GAS7: variants seen among roughly 807,000 people sequenced by gnomAD.
GAS7 encodes growth arrest-specific protein 7.
GAS7 carries 28 observed loss-of-function variants against 71.1 expected under a neutral mutation model. The ratio of observed to expected loss-of-function variants is 0.39; its 90% CI spans 0.29 to 0.54. The LOEUF is 0.54. GAS7 is among the 20% of genes least tolerant of loss of function. The probability of loss-of-function intolerance (pLI) is 0.62; values close to 1 mark genes in which losing one functional copy is unlikely to be tolerated. For synonymous variants in GAS7, 258 were observed against 245.8 expected (o/e 1.05, Z -0.46); for missense variants, 436 against 627.8 (o/e 0.69, Z 3.27).
intron 1 of GAS7, among the ~76,000 whole-genome samples, chr17:10,062,255 C>T (rs1215045861): frequency 6.6e-6 from 1 of 152,192 alleles, no homozygotes; most frequent in Non-Finnish European, 1.5e-5. Context: ...GAGGCCAAGG[C>T]GGGTGGATTA....
chr17:9,989,886 C>T (rs939717603), intron 2 of GAS7, among the ~76,000 whole-genome samples: 4 of 152,214 alleles, frequency 2.6e-5, no homozygotes, highest in African/African-American at 9.6e-5. Context: ...GCAATTGTGC[C>T]TCAGGTTCCC....
intron 1 of GAS7, among the ~76,000 whole-genome samples, chr17:10,108,949 CA>C (rs1169509777): frequency 6.6e-6 from 1 of 151,978 alleles, no homozygotes; most frequent in Non-Finnish European, 1.5e-5. Flanking sequence ...GCACAGACAA[CA>C]AAACCAAAAA....
intron 1 of GAS7, among the ~76,000 whole-genome samples, chr17:10,131,031 T>C (rs1160462944): frequency 6.6e-6 from 1 of 152,224 alleles, no homozygotes; most frequent in Non-Finnish European, 1.5e-5. Context: ...AAAGCCGTTA[T>C]CAAAACATAA....
At chr17:10,009,182 G>T (rs1021528663) in intron 2 of GAS7, among the ~76,000 whole-genome samples, 1 of 150,846 alleles carries the variant, frequency 6.6e-6, no homozygotes, top group African/African-American at 2.4e-5. Flanking sequence ...TTAGCCGGGC[G>T]TAGTGGCGGG....
intron 4 of GAS7, among the ~76,000 whole-genome samples, chr17:9,961,806 G>GC (rs1437517236): frequency 6.6e-6 from 1 of 152,188 alleles, no homozygotes; most frequent in Admixed American, 6.5e-5. Flanking sequence ...CAAGGCTATA[G>GC]TAAACAGAGG....
intron 1 of GAS7, among the ~76,000 whole-genome samples, chr17:10,097,936 T>C (rs1442098641): frequency 6.6e-6 from 1 of 151,158 alleles, no homozygotes; most frequent in Non-Finnish European, 1.5e-5. Context: ...CCCAGCTATT[T>C]GGGAGGCTGA....
rs2067594434 is a variant in GAS7, at chr17:9,916,763, G to C, written c.*465C>G. On this transcript the variant is annotated 3_prime_UTR_variant, in exon 14 of 14. Transcript: ENST00000432992. ...GCTGCAAAGGATTCTGGGTGCGGCTGTGAGCTGAATGGCACCTTCTACCCA... is the reference window on the plus strand; with the variant it reads ...GCTGCAAAGGATTCTGGGTGCGGCTCTGAGCTGAATGGCACCTTCTACCCA... 2 of 397,946 alleles carry C rather than the reference G, an allele frequency of 5.0e-6. No individual in the cohort carries two copies. The highest frequency in any genetic ancestry group is 4.3e-5 in the Admixed American group (1 of 23,106). The allele number at this position is 397,946 out of a possible 1,614,324, so 24.7% of individuals were successfully genotyped here. A position where few individuals can be genotyped will look rare whatever the true frequency, so the allele number is the denominator to read the frequency against.
intron 1 of GAS7, among the ~76,000 whole-genome samples, chr17:10,065,502 T>A (rs1156434900): frequency 6.6e-6 from 1 of 152,216 alleles, no homozygotes; most frequent in Non-Finnish European, 1.5e-5. Flanking sequence ...ATTCCTTGGC[T>A]TGTGGCTGCA....
At chr17:9,929,147 T>C (rs1567784894) in intron 9 of GAS7, among the ~76,000 whole-genome samples, 1 of 152,212 alleles carries the variant, frequency 6.6e-6, no homozygotes, top group Non-Finnish European at 1.5e-5. Flanking sequence ...TAGGAGCAGC[T>C]GTACGACTCC....
chr17:9,926,882 C>T lies in GAS7; in HGVS notation c.886-113G>A. On this transcript the variant is annotated intron_variant, in intron 9 of 13. Coordinates refer to ENST00000432992, the MANE Select transcript of GAS7 (RefSeq NM_201433.2). The surrounding 1 kb of genome is among the most constrained non-coding windows in gnomAD (Gnocchi z 5.0). ...CTTCCCCAGGCAAGTGAGGATGAGT[C>T]TGGGGTAGCGACCTGGCAGGAAGGT... 1 of 1,153,482 alleles carries T rather than the reference C, an allele frequency of 8.7e-7. No individual in the cohort carries two copies. Among genetic ancestry groups the T allele is most frequent in the South Asian group, 1.3e-5 (1 of 77,858 alleles). The allele number at this position is 1,153,482 out of a possible 1,614,324, so 71.5% of individuals were successfully genotyped here.
intron 2 of GAS7, among the ~76,000 whole-genome samples, chr17:10,017,773 T>A (rs566417295): frequency 1.3e-5 from 2 of 152,260 alleles, no homozygotes; most frequent in African/African-American, 2.4e-5. Context: ...TAAAGCTGAG[T>A]GGCTGGGATG....
At chr17:10,028,958 C>T (rs2152217208) in intron 1 of GAS7, among the ~76,000 whole-genome samples, 1 of 152,284 alleles carries the variant, frequency 6.6e-6, no homozygotes, top group Non-Finnish European at 1.5e-5. Flanking sequence ...AGCAGAAAAG[C>T]TCTAACAGAA....
At chr17:9,927,479 C>CA (rs565071341) in intron 9 of GAS7, among the ~76,000 whole-genome samples, 4,703 of 123,132 alleles carry the variant, frequency 0.038, 144 homozygotes, top group Admixed American at 0.1. Flanking sequence ...GACTTGGTCT[C>CA]AAAAAAAAAA....
intron 1 of GAS7, among the ~76,000 whole-genome samples, chr17:10,129,460 G>A (rs538958510): frequency 9.2e-5 from 14 of 152,224 alleles, no homozygotes; most frequent in African/African-American, 1.7e-4. Flanking sequence ...GTTTGAGACC[G>A]GAAGGTCAAG....
chr17:9,952,169 T>C lies in GAS7; in HGVS notation c.526-5186A>G, dbSNP rs1049279085. 6.0e-4 allele frequency among the ~76,000 whole-genome samples: 91 copies of C among 152,280 alleles called. 3 individuals are homozygous for C. The highest frequency in any genetic ancestry group is 2.2e-4 in the Non-Finnish European group (15 of 68,020). On this transcript the variant is annotated intron_variant, in intron 5 of 13. Transcript: ENST00000432992. ...GGTTGCTGGGTCCCACCCCCCACTGTCTGATTCAGGAGCTCTGGATGGGGT... is the reference window on the plus strand; with the variant it reads ...GGTTGCTGGGTCCCACCCCCCACTGCCTGATTCAGGAGCTCTGGATGGGGT...
intron 2 of GAS7, among the ~76,000 whole-genome samples, chr17:9,990,439 A>G (rs561069731): frequency 5.9e-5 from 9 of 152,176 alleles, no homozygotes; most frequent in African/African-American, 2.2e-4. Flanking sequence ...CAAAAGTGAC[A>G]CTCCATCATG....
chr17:9,911,804 G>A lies in GAS7; in HGVS notation c.*5424C>T, dbSNP rs556897816. 71 of 231,674 alleles carry A rather than the reference G, an allele frequency of 3.1e-4. No individual in the cohort carries two copies. Among genetic ancestry groups the A allele is most frequent in the African/African-American group, 1.3e-3 (59 of 45,334 alleles). 14.4% of individuals were successfully genotyped at this position (231,674 alleles called of 1,614,324 possible). Reference sequence around the variant, plus strand: ...CTGGATCCAGAAATGTCTCTGGTTCGCATAGAGAGGTACCCAACTGGTCTC... The same window carrying A: ...CTGGATCCAGAAATGTCTCTGGTTCACATAGAGAGGTACCCAACTGGTCTC... On this transcript the variant is annotated 3_prime_UTR_variant, in exon 14 of 14. Coordinates refer to ENST00000432992, the MANE Select transcript of GAS7 (RefSeq NM_201433.2). The surrounding 1 kb of genome is among the most constrained non-coding windows in gnomAD (Gnocchi z 4.0).
At chr17:10,142,062 A>G (rs888711313) in intron 1 of GAS7, among the ~76,000 whole-genome samples, 1 of 152,060 alleles carries the variant, frequency 6.6e-6, no homozygotes. Flanking sequence ...CCCCGTCTCT[A>G]CTAAAAACAC....
chr17:10,129,697 A>T (rs1384556743), intron 1 of GAS7, among the ~76,000 whole-genome samples: 1 of 152,246 alleles, frequency 6.6e-6, no homozygotes, highest in African/African-American at 2.4e-5. Context: ...GTTCCAAAGG[A>T]CATCATTAAG....
Sources: allele counts gnomAD v4.1 joint callset (sites outside exome capture counted in the v4.1 genomes callset), GRCh38; gene constraint gnomAD v4.1.1; non-coding constraint Gnocchi (gnomAD v3.1); transcripts MANE v1.5; gene names NCBI Gene and HGNC (gene_info 2026-07-23, HGNC 2026-07-21).